The following DLG2 variants were observed in gnomAD, a reference collection of about 807,000 sequenced individuals.
DLG2 encodes the protein disks large homolog 2.
DLG2 carries 45 observed loss-of-function variants against 132.5 expected under a neutral mutation model. That is an observed-to-expected ratio of 0.34 (90% confidence interval 0.27 to 0.44). The LOEUF (loss-of-function observed/expected upper bound fraction) is 0.44. Among genes scored for constraint, DLG2 ranks in the 20% least tolerant of loss-of-function variants. DLG2 has a pLI of 1.00. For missense variants in DLG2, 1,045 were observed against 1,196.9 expected, an observed-to-expected ratio of 0.87 and a Z score of 1.87; for synonymous variants, 424 against 419.6, an observed-to-expected ratio of 1.01 and a Z score of -0.13.
chr11:83,977,304 T>G (rs1243431006), intron 12 of DLG2, among the ~76,000 whole-genome samples: 2 of 151,932 alleles, frequency 1.3e-5, no homozygotes, highest in African/African-American at 2.4e-5. Flanking sequence ...CTTGTGCAGG[T>G]GTGTGCTTTA....
At chr11:83,570,147 G>C (rs1051046080) in intron 19 of DLG2, among the ~76,000 whole-genome samples, 3 of 152,046 alleles carry the variant, frequency 2.0e-5, no homozygotes, top group African/African-American at 7.2e-5. Context: ...ACTAGTTATG[G>C]GTCCCATCAG....
intron 3 of DLG2, among the ~76,000 whole-genome samples, chr11:85,308,955 G>A (rs546411340): frequency 3.4e-4 from 51 of 151,988 alleles, no homozygotes; most frequent in Admixed American, 8.5e-4. Context: ...ACACCCATTC[G>A]CCTCACTTCC....
intron 8 of DLG2, among the ~76,000 whole-genome samples, chr11:84,214,230 C>CATACAT (rs1555427197): frequency 7.7e-6 from 1 of 130,022 alleles, no homozygotes; most frequent in Admixed American, 7.2e-5. Flanking sequence ...TACATATATA[C>CATACAT]ATATATATGA....
chr11:85,397,891 T>C (rs542146785), intron 3 of DLG2, among the ~76,000 whole-genome samples: 74 of 152,256 alleles, frequency 4.9e-4, no homozygotes, highest in African/African-American at 1.6e-3. Context: ...TTAACAAGGA[T>C]ATCCAGGGCT....
chr11:84,182,111 T>G (rs530276939), intron 8 of DLG2, among the ~76,000 whole-genome samples: 1 of 152,150 alleles, frequency 6.6e-6, no homozygotes, highest in Non-Finnish European at 1.5e-5. Context: ...GTCATCAGGA[T>G]AGACCAAATT....
At chr11:85,582,660 CAAAAAAAAAAAAAAAAAAAAAAAAAAAAA>C (rs59452629) in intron 3 of DLG2, among the ~76,000 whole-genome samples, 73 of 27,142 alleles carry the variant, frequency 2.7e-3, no homozygotes, top group South Asian at 0.016. Flanking sequence ...CCCATCTCTA[CAAAAAAAAAAAAAAAAAAAAAAAAAAAAA>C]AAAAAAAAAA....
intron 10 of DLG2, among the ~76,000 whole-genome samples, chr11:84,097,004 T>C (rs2097173989): frequency 6.6e-6 from 1 of 152,176 alleles, no homozygotes; most frequent in South Asian, 2.1e-4. Context: ...GTATCTTTGG[T>C]TGATTCATAA....
chr11:84,625,828 A>G (rs1465267607), intron 6 of DLG2, among the ~76,000 whole-genome samples: 2 of 152,206 alleles, frequency 1.3e-5, no homozygotes, highest in African/African-American at 2.4e-5. Context: ...TGTTATTTGG[A>G]AACACTAGTC....
intron 3 of DLG2, among the ~76,000 whole-genome samples, chr11:85,448,410 A>G (rs2092101768): frequency 6.6e-6 from 1 of 152,088 alleles, no homozygotes; most frequent in Non-Finnish European, 1.5e-5. Context: ...AAATTCAGAC[A>G]CCAAAAATCT....
intron 7 of DLG2, among the ~76,000 whole-genome samples, chr11:84,450,252 G>A (rs1249995063): frequency 6.6e-6 from 1 of 151,694 alleles, no homozygotes; most frequent in African/African-American, 2.4e-5. Context: ...TACAAGAAAT[G>A]TCATGTGGTA....
intron 18 of DLG2, among the ~76,000 whole-genome samples, chr11:83,666,495 G>A (rs2153561297): frequency 6.6e-6 from 1 of 152,262 alleles, no homozygotes; most frequent in South Asian, 2.1e-4. Flanking sequence ...AGAATCTAAT[G>A]CCCGATGACT....
chr11:85,126,972 T>G (rs571812866), intron 5 of DLG2, among the ~76,000 whole-genome samples: 1 of 152,052 alleles, frequency 6.6e-6, no homozygotes, highest in Non-Finnish European at 1.5e-5. Flanking sequence ...GCAACACAGG[T>G]TGTGGCAGAA....
chr11:84,095,398 A>G (rs2097152165), intron 10 of DLG2, among the ~76,000 whole-genome samples: 1 of 152,198 alleles, frequency 6.6e-6, no homozygotes, highest in Non-Finnish European at 1.5e-5. Flanking sequence ...ACTTGTGTCC[A>G]AGGTCAACTG....
intron 4 of DLG2, among the ~76,000 whole-genome samples, chr11:85,260,536 G>A (rs184694112): frequency 1.8e-4 from 28 of 152,288 alleles, no homozygotes; most frequent in Admixed American, 1.6e-3. Flanking sequence ...TCCTTCATAT[G>A]TATTCATTCA....
intron 6 of DLG2, among the ~76,000 whole-genome samples, chr11:84,897,358 T>C (rs2090342539): frequency 6.6e-6 from 1 of 151,878 alleles, no homozygotes; most frequent in Admixed American, 6.6e-5. Flanking sequence ...GTTTTTGCAA[T>C]TATGAACAAT....
intron 7 of DLG2, among the ~76,000 whole-genome samples, chr11:84,252,167 T>TTG (rs2097391687): frequency 8.2e-6 from 1 of 121,728 alleles, no homozygotes; most frequent in Non-Finnish European, 1.7e-5. Context: ...TTTTTTTTTT[T>TTG]GAGATGAAGT....
intron 6 of DLG2, among the ~76,000 whole-genome samples, chr11:85,078,320 A>G (rs1007118513): frequency 2.0e-5 from 3 of 151,570 alleles, no homozygotes; most frequent in Non-Finnish European, 4.4e-5. Flanking sequence ...TCTACTAACA[A>G]TGTTTAATCT....
chr11:84,081,442 A>G (rs1342674750), intron 10 of DLG2, among the ~76,000 whole-genome samples: 1 of 12,884 alleles, frequency 7.8e-5, no homozygotes, highest in African/African-American at 1.1e-4. Flanking sequence ...AAGAAAAAAG[A>G]AAAAAAAAAG....
chr11:84,000,816 A>T (rs2094307484), intron 11 of DLG2, among the ~76,000 whole-genome samples: 1 of 152,136 alleles, frequency 6.6e-6, no homozygotes, highest in Admixed American at 6.6e-5. Context: ...CAAAAACAAG[A>T]AATTCAACAC....
Sources: gnomAD v4.1 joint callset for allele counts (sites outside exome capture counted in the v4.1 genomes callset) on GRCh38, gnomAD v4.1.1 for gene constraint, MANE v1.5 for transcripts, NCBI Gene and HGNC (gene_info 2026-07-23, HGNC 2026-07-21) for gene names.